The following DUS1L variants were observed in gnomAD, a reference collection of about 807,000 sequenced individuals.
DUS1L encodes tRNA-dihydrouridine(16/17) synthase [NAD(P)(+)]-like.
In DUS1L, 56 loss-of-function variants were observed where a neutral mutation model predicts 61.2. That is an observed-to-expected ratio of 0.92 (90% CI 0.74 to 1.14). DUS1L has a LOEUF of 1.14. Among genes scored for constraint, DUS1L ranks in the 50% most tolerant of loss-of-function variants. The probability of loss-of-function intolerance (pLI) is 0.00; values close to 1 mark genes in which losing one functional copy is unlikely to be tolerated. For missense variants in DUS1L, 630 were observed against 632.4 expected, an observed-to-expected ratio of 1.00 and a Z score of 0.04; for synonymous variants, 278 against 259.5, an observed-to-expected ratio of 1.07 and a Z score of -0.69.
At chr17:82,064,343 A>G in intron 2 of DUS1L, 109 bp from the exon 3 acceptor site, 2 of 912,218 alleles carry the variant, frequency 2.2e-6, no homozygotes, top group Non-Finnish European at 3.4e-6. Context: ...GCCCAGGTTC[A>G]CTGCAGGAGG....
chr17:82,060,771 T>G lies in DUS1L; in HGVS notation c.952A>C (p.Arg318=). The change falls in exon 10 of 14, where the codon AGG becomes CGG. Residue 318 remains arginine, a synonymous_variant. Transcript: ENST00000306796. ...LKLRCQEEIS[R]QEGAKPTGDL... Reference sequence around the variant, plus strand: ...CCGGTGGGCTTCGCTCCCTCCTGCCTGGATATCTCCTCCTGCAAAAGCCCA... The same window carrying G: ...CCGGTGGGCTTCGCTCCCTCCTGCCGGGATATCTCCTCCTGCAAAAGCCCA... 1 of 1,612,522 alleles carries G rather than the reference T, an allele frequency of 6.2e-7. No individual in the cohort carries two copies. Among genetic ancestry groups the G allele is most frequent in the Non-Finnish European group, 8.5e-7 (1 of 1,179,704 alleles).
Position 82,060,087 on chromosome 17 carries a change from C to T in DUS1L, c.1029G>A (p.Arg343=), listed in dbSNP as rs577296824. The T allele has an allele frequency of 6.2e-7, 1 of 1,612,880 alleles. No individual in the cohort carries two copies. Among genetic ancestry groups the T allele is most frequent in the African/African-American group, 1.3e-5 (1 of 75,034 alleles). ...CACCTGCCTTCTCCTTGCTCCCCTC[C>T]CTGGGCCTGAGGGGAGGGCAGCGGG... The part of the protein sequence containing the change: ...ICQPYIRPGP[R]EGSKEKAGAR... Residue 343 remains arginine (R), a synonymous_variant, in exon 11 of 14, where the codon AGG becomes AGA. Coordinates refer to ENST00000306796, the MANE Select transcript of DUS1L (RefSeq NM_022156.5).
chr17:82,062,841 C>T lies in DUS1L; in HGVS notation c.510+20G>A. 1 of 1,601,646 alleles carries T rather than the reference C, an allele frequency of 6.2e-7. No homozygotes were observed. On this transcript the variant is annotated intron_variant, in intron 5 of 13. Coordinates refer to ENST00000306796, the MANE Select transcript of DUS1L (RefSeq NM_022156.5). ...AGGCCCAGCTGAGGCCCATGACACC[C>T]CCGCGAGCCCAGGGCTCACCTGGCA...
chr17:82,059,463 G>A (rs895665969), intron 11 of DUS1L: 5 of 167,950 alleles, frequency 3.0e-5, no homozygotes, highest in Admixed American at 1.1e-4. Context: ...CCCAGGATAC[G>A]GCGGCGACCA....
chr17:82,059,158 A>G (rs1164656732), intron 11 of DUS1L: 1 of 298,716 alleles, frequency 3.3e-6, no homozygotes, highest in Non-Finnish European at 6.4e-6. Flanking sequence ...GGGGGGTTCC[A>G]TGCCCTTCAG....
chr17:82,064,695 C>A (rs1345456857), intron 2 of DUS1L, 128 bp downstream of exon 2: 2 of 955,190 alleles, frequency 2.1e-6, no homozygotes, highest in African/African-American at 1.7e-5. Context: ...TTCTCCCTCT[C>A]CTCCTGGAAT....
chr17:82,061,483 A>G, intron 7 of DUS1L, 130 bp from the exon 8 acceptor site: 2 of 1,443,366 alleles, frequency 1.4e-6, no homozygotes, highest in Non-Finnish European at 1.9e-6. Flanking sequence ...GGCCCATCAG[A>G]GCAGACTGGG....
At position 82,061,739 on chromosome 17, in the gene DUS1L, C is replaced by A. The variant is rs1354346548; in HGVS notation, c.594-18G>T. On this transcript the variant is annotated intron_variant, in intron 6 of 13. Transcript: ENST00000306796. ...CAGCCTTCCTGTTGGCAGAGAAATG[C>A]CTGTTTCCACCCGCCCGGAACAGCA... 6.2e-7 allele frequency: 1 copy of A among 1,611,822 alleles called. No individual in the cohort carries two copies. The highest frequency in any genetic ancestry group is 2.2e-5 in the East Asian group (1 of 44,866).
rs200669716 is a variant in DUS1L, at chr17:82,058,321, C to T, written c.1282+20G>A. 133 of 1,515,224 alleles carry T rather than the reference C, an allele frequency of 8.8e-5. No homozygotes were observed. In the South Asian group the frequency reaches 1.2e-3, roughly 13 times the overall value. 93.9% of individuals were successfully genotyped at this position (1,515,224 alleles called of 1,614,324 possible). The stretch of plus-strand genomic sequence containing the variant: ...GGGGGTCTGTTTGCCTGCTGCGGGG[C>T]GGGTGGTAGGCGCCCTCACCTGGGC... On this transcript the variant is annotated intron_variant, in intron 13 of 13. Transcript: ENST00000306796.
At chr17:82,061,040 G>A in intron 8 of DUS1L, 79 bp from the exon 9 acceptor site, 1 of 1,550,660 alleles carries the variant, frequency 6.4e-7, no homozygotes, top group Non-Finnish European at 8.7e-7. Context: ...GGCACACGGG[G>A]ACCTGTGTCT....
rs760926515 is a variant in DUS1L at position 82,061,992 on chromosome 17, G to C, written c.511-9C>G. The C allele has an allele frequency of 5.7e-6, 9 of 1,591,180 alleles. No homozygotes were observed. The highest frequency in any genetic ancestry group is 1.1e-5 in the South Asian group (1 of 88,784). On this transcript the variant is annotated splice_polypyrimidine_tract_variant and intron_variant, in intron 5 of 13. Coordinates refer to ENST00000306796, the MANE Select transcript of DUS1L (RefSeq NM_022156.5). ...CCGTGCACCGTCAGCAACTAGGACA[G>C]AGCAGTGGTCGCTTGACCCCTCCAA... is the stretch of plus-strand genomic sequence containing the variant.
intron 3 of DUS1L, 60 bp downstream of exon 3, chr17:82,064,066 C>T: frequency 2.7e-6 from 4 of 1,454,740 alleles, no homozygotes; most frequent in Non-Finnish European, 3.8e-6. Context: ...ACACCTGGGG[C>T]TGCACTGAGC....
Position 82,061,891 on chromosome 17 carries a change from A to G in DUS1L, c.593+10T>C. On this transcript the variant is annotated intron_variant, in intron 6 of 13. Coordinates refer to ENST00000306796, the MANE Select transcript of DUS1L (RefSeq NM_022156.5). ...AAGGACTGAGGGCTGTGTCACCCAC[A>G]CCCACTCACCGCACAGCCTTGATAT... The G allele has an allele frequency of 1.2e-6, 2 of 1,603,642 alleles. No individual in the cohort carries two copies. The highest frequency in any genetic ancestry group is 2.2e-5 in the South Asian group (2 of 89,996).
chr17:82,058,897 G>A lies in DUS1L; in HGVS notation c.1169-79C>T, dbSNP rs1011254451. On this transcript the variant is annotated intron_variant, in intron 11 of 13. Coordinates refer to ENST00000306796, the MANE Select transcript of DUS1L (RefSeq NM_022156.5). ...TGGGGGCTGCCCCGTCCGCCTGCAC[G>A]GAGCCTGCTGATGGCGTCCATGCCA... The A allele has an allele frequency of 1.8e-5, 24 of 1,330,950 alleles. 1 individual carries two copies. Among genetic ancestry groups the A allele is most frequent in the Middle Eastern group, 4.0e-4 (2 of 5,048 alleles). The allele number at this position is 1,330,950 out of a possible 1,614,324, so 82.4% of individuals were successfully genotyped here.
chr17:82,061,551 A>C (rs2033495320), intron 7 of DUS1L, 67 bp downstream of exon 7: 2 of 1,535,690 alleles, frequency 1.3e-6, no homozygotes, highest in African/African-American at 2.7e-5. Context: ...AGTGGGAGGC[A>C]CCGACCTGGG....
intron 10 of DUS1L, 72 bp downstream of exon 10, chr17:82,060,629 G>A (rs749197580): frequency 1.2e-4 from 183 of 1,545,892 alleles, no homozygotes; most frequent in Non-Finnish European, 1.5e-4. Flanking sequence ...CAGGGCAGGC[G>A]CAGCACTGTG....
Position 82,061,896 on chromosome 17 carries a change from C to T in DUS1L, c.593+5G>A. 1.9e-6 allele frequency: 3 copies of T among 1,605,832 alleles called. No individual in the cohort carries two copies. Among genetic ancestry groups the T allele is most frequent in the Non-Finnish European group, 8.5e-7 (1 of 1,175,514 alleles). Reference sequence around the variant, plus strand: ...CTGAGGGCTGTGTCACCCACACCCACTCACCGCACAGCCTTGATATGCTCC... The same window carrying T: ...CTGAGGGCTGTGTCACCCACACCCATTCACCGCACAGCCTTGATATGCTCC... On this transcript the variant is annotated splice_donor_5th_base_variant and intron_variant, in intron 6 of 13. Coordinates refer to ENST00000306796, the MANE Select transcript of DUS1L (RefSeq NM_022156.5).
chr17:82,060,481 G>A lies in DUS1L; in HGVS notation c.1022+220C>T, dbSNP rs2033426812. 21 of 607,066 alleles carry A rather than the reference G, an allele frequency of 3.5e-5. No individual in the cohort carries two copies. The South Asian group carries it at 4.1e-4, about 12-fold the overall frequency. The allele number at this position is 607,066 out of a possible 1,614,324, so 37.6% of individuals were successfully genotyped here. The stretch of plus-strand genomic sequence containing the variant: ...TTTAAAATCCGAGCGTCCACTGAGG[G>A]AGGACACAGCTGAGCCACCAGCATC... On this transcript the variant is annotated intron_variant, in intron 10 of 13. Coordinates refer to ENST00000306796, the MANE Select transcript of DUS1L (RefSeq NM_022156.5).
chr17:82,064,137 A>G lies in DUS1L; in HGVS notation c.335T>C (p.Ile112Thr). 6.2e-7 allele frequency: 1 copy of G among 1,612,238 alleles called. No individual in the cohort carries two copies. The highest frequency in any genetic ancestry group is 1.3e-5 in the African/African-American group (1 of 75,046). The change falls in exon 3 of 14, where the codon ATA becomes ACA. Residue 112 changes from isoleucine to threonine, a missense_variant. Coordinates refer to ENST00000306796, the MANE Select transcript of DUS1L (RefSeq NM_022156.5). ...IDLNLGCPQM[I>T]AKRGHYGAFL... is the part of the protein sequence containing the mutation. ...CACATGGAGCTCACCTCTCTTGGCT[A>G]TCATCTGTGGGCAGCCCAAGTTCAG...
Sources: allele counts gnomAD v4.1 joint callset, GRCh38; gene constraint gnomAD v4.1.1; transcripts MANE v1.5; gene names NCBI Gene and HGNC (gene_info 2026-07-23, HGNC 2026-07-21).